RBFOX1: variants seen among roughly 807,000 people sequenced by gnomAD.
RBFOX1 encodes RNA binding protein fox-1 homolog 1.
RBFOX1 carries 8 observed loss-of-function variants against 57.7 expected under a neutral mutation model. The ratio of observed to expected loss-of-function variants is 0.14; its 90% CI spans 0.08 to 0.25. RBFOX1 has a LOEUF of 0.25. RBFOX1 is among the 10% of genes least tolerant of loss of function. The probability of loss-of-function intolerance (pLI) is 1.00; values close to 1 mark genes in which losing one functional copy is unlikely to be tolerated. For missense variants in RBFOX1, 611 were observed against 548.5 expected, an observed-to-expected ratio of 1.11 and a Z score of -1.14; for synonymous variants, 326 against 222.4, an observed-to-expected ratio of 1.47 and a Z score of -4.15.
At chr16:5,566,192 C>T (rs2151118946) in intron 2 of RBFOX1, among the ~76,000 whole-genome samples, 1 of 152,212 alleles carries the variant, frequency 6.6e-6, no homozygotes, top group African/African-American at 2.4e-5. Context: ...TGGATGAATA[C>T]AATGGGGATG....
intron 3 of RBFOX1, among the ~76,000 whole-genome samples, chr16:6,807,914 G>GTGTATA (rs939673930): frequency 1.5e-5 from 2 of 132,100 alleles, no homozygotes; most frequent in African/African-American, 5.5e-5. Flanking sequence ...GTGTGTGTGT[G>GTGTATA]TATATATATA....
At chr16:7,504,312 T>C (rs2151895453) in intron 4 of RBFOX1, among the ~76,000 whole-genome samples, 1 of 152,188 alleles carries the variant, frequency 6.6e-6, no homozygotes, top group South Asian at 2.1e-4. Flanking sequence ...CTTCTAATTG[T>C]ATTATTGTTA....
At chr16:7,199,484 G>C (rs1210050386) in intron 4 of RBFOX1, among the ~76,000 whole-genome samples, 1 of 152,154 alleles carries the variant, frequency 6.6e-6, no homozygotes, top group Non-Finnish European at 1.5e-5. Context: ...TGAAGGTTTG[G>C]AAGTTTTAAC....
intron 13 of RBFOX1, among the ~76,000 whole-genome samples, chr16:7,676,213 T>C (rs1260714517): frequency 1.3e-5 from 2 of 152,216 alleles, no homozygotes; most frequent in Non-Finnish European, 2.9e-5. Flanking sequence ...TTTGTAATAA[T>C]TGTGTAACAT....
At chr16:7,670,265 C>G (rs1380924420) in intron 13 of RBFOX1, among the ~76,000 whole-genome samples, 2 of 152,218 alleles carry the variant, frequency 1.3e-5, no homozygotes, top group Non-Finnish European at 2.9e-5. Context: ...CTTCCGACCT[C>G]AAGTGATCCA....
intron 4 of RBFOX1, among the ~76,000 whole-genome samples, chr16:7,402,489 G>GA (rs1465577438): frequency 1.3e-5 from 2 of 152,162 alleles, no homozygotes; most frequent in Admixed American, 1.3e-4. Context: ...CCGAGAGATA[G>GA]GAGAAAATAA....
intron 1 of RBFOX1, among the ~76,000 whole-genome samples, chr16:6,092,041 G>A (rs934392932): frequency 3.3e-5 from 5 of 151,874 alleles, no homozygotes; most frequent in African/African-American, 9.7e-5. Context: ...CTATCCATCC[G>A]TCCTCCTTGA....
At chr16:6,292,974 T>C (rs1418886589) in intron 1 of RBFOX1, among the ~76,000 whole-genome samples, 1 of 152,196 alleles carries the variant, frequency 6.6e-6, no homozygotes, top group Non-Finnish European at 1.5e-5. Flanking sequence ...TAGGACATTG[T>C]TGTCCCCAGG....
At chr16:7,382,816 A>C (rs1186412681) in intron 4 of RBFOX1, among the ~76,000 whole-genome samples, 1 of 152,256 alleles carries the variant, frequency 6.6e-6, no homozygotes, top group East Asian at 1.9e-4. Context: ...ATAATGCCTA[A>C]GTACCACTTC....
At chr16:5,348,842 A>G (rs1180502265) in intron 1 of RBFOX1, among the ~76,000 whole-genome samples, 2 of 152,204 alleles carry the variant, frequency 1.3e-5, no homozygotes, top group African/African-American at 4.8e-5. Flanking sequence ...GGTTGTTTCC[A>G]TATCTTCACT....
Position 5,981,109 on chromosome 16 carries a change from C to T in RBFOX1, c.351+113774C>T, listed in dbSNP as rs568016099. On this transcript the variant is annotated intron_variant, in intron 4 of 19. Coordinates refer to the RBFOX1 transcript ENST00000641259. Reference sequence around the variant, plus strand: ...CCTTTGATATCAGTTTGGGAGCTACCGATACAGATTTCCCTTTTTAGCATC... The same window carrying T: ...CCTTTGATATCAGTTTGGGAGCTACTGATACAGATTTCCCTTTTTAGCATC... Among the ~76,000 whole-genome samples, 7 of 152,220 alleles carry T rather than the reference C, an allele frequency of 4.6e-5. No homozygotes were observed. In the South Asian group the frequency reaches 1.0e-3, roughly 23 times the overall value.
At chr16:6,478,088 A>T (rs2095302276) in intron 2 of RBFOX1, among the ~76,000 whole-genome samples, 1 of 152,046 alleles carries the variant, frequency 6.6e-6, no homozygotes, top group Non-Finnish European at 1.5e-5. Context: ...CTAATACTCC[A>T]CACCAGCAAC....
At chr16:7,637,124 A>G (rs533062464) in intron 11 of RBFOX1, among the ~76,000 whole-genome samples, 1 of 152,272 alleles carries the variant, frequency 6.6e-6, no homozygotes, top group Non-Finnish European at 1.5e-5. Flanking sequence ...ATTGTTCCGT[A>G]TGCTTATCAA....
intron 2 of RBFOX1, among the ~76,000 whole-genome samples, chr16:6,578,172 G>C (rs2097472444): frequency 6.6e-6 from 1 of 152,196 alleles, no homozygotes; most frequent in South Asian, 2.1e-4. Context: ...CTAGACATCA[G>C]ATAGCACTTT....
intron 1 of RBFOX1, among the ~76,000 whole-genome samples, chr16:6,108,165 A>C: frequency 6.6e-6 from 1 of 152,190 alleles, no homozygotes; most frequent in South Asian, 2.1e-4. Context: ...AATATTGGTG[A>C]TACCTAAATT....
intron 4 of RBFOX1, among the ~76,000 whole-genome samples, chr16:7,326,051 G>A (rs2096607408): frequency 6.6e-6 from 1 of 152,108 alleles, no homozygotes; most frequent in Non-Finnish European, 1.5e-5. Flanking sequence ...AACTGACCAG[G>A]CACACATTCT....
chr16:5,632,388 G>A (rs2048539704), intron 3 of RBFOX1: 1 of 152,172 alleles, frequency 6.6e-6, no homozygotes, highest in African/African-American at 2.4e-5. Context: ...CCCTTAAGAT[G>A]GAGATGCTAA....
At chr16:5,732,840 T>C (rs1354719219) in intron 3 of RBFOX1, among the ~76,000 whole-genome samples, 1 of 152,130 alleles carries the variant, frequency 6.6e-6, no homozygotes, top group Non-Finnish European at 1.5e-5. Context: ...TCTTCAACCG[T>C]GTCTTCATGG....
chr16:7,545,578 G>A (rs770470251), intron 5 of RBFOX1, among the ~76,000 whole-genome samples: 9 of 152,114 alleles, frequency 5.9e-5, no homozygotes, highest in South Asian at 2.1e-4. Flanking sequence ...ATGCTACTGC[G>A]GCTGTTTTAC....
Sources: allele counts gnomAD v4.1 joint callset (sites outside exome capture counted in the v4.1 genomes callset), GRCh38; gene constraint gnomAD v4.1.1; transcripts MANE v1.5; gene names NCBI Gene and HGNC (gene_info 2026-07-23, HGNC 2026-07-21).